The following LUZP2 variants were observed in gnomAD, a reference collection of about 807,000 sequenced individuals.
LUZP2 encodes leucine zipper protein 2.
LUZP2 carries 52 observed loss-of-function variants against 51.6 expected under a neutral mutation model. The observed-to-expected ratio is 1.01, with a 90% CI of 0.81 to 1.27. The LOEUF (loss-of-function observed/expected upper bound fraction) is 1.27. LUZP2 is among the 50% of genes most tolerant of loss of function. The probability of loss-of-function intolerance (pLI) is 0.00; values close to 1 mark genes in which losing one functional copy is unlikely to be tolerated. For missense variants in LUZP2, 436 were observed against 395.4 expected, an observed-to-expected ratio of 1.10 and a Z score of -0.87; for synonymous variants, 154 against 137.3, an observed-to-expected ratio of 1.12 and a Z score of -0.85.
chr11:24,887,766 TA>T (rs1422969082), intron 5 of LUZP2, among the ~76,000 whole-genome samples: 1 of 152,208 alleles, frequency 6.6e-6, no homozygotes, highest in Non-Finnish European at 1.5e-5. Flanking sequence ...ATGACATATT[TA>T]AAAGGGCAAA....
intron 10 of LUZP2, among the ~76,000 whole-genome samples, chr11:25,057,694 A>T (rs1401658777): frequency 6.6e-6 from 1 of 152,086 alleles, no homozygotes; most frequent in Non-Finnish European, 1.5e-5. Context: ...CAAACATTTA[A>T]TTTTTCTTAC....
At chr11:24,519,730 G>T (rs1297075374) in intron 1 of LUZP2, among the ~76,000 whole-genome samples, 1 of 152,138 alleles carries the variant, frequency 6.6e-6, no homozygotes, top group African/African-American at 2.4e-5. Context: ...TTGCACTTCA[G>T]ATTTTAGTAA....
intron 9 of LUZP2, among the ~76,000 whole-genome samples, chr11:25,023,257 G>A (rs529590091): frequency 3.9e-5 from 6 of 152,150 alleles, no homozygotes; most frequent in South Asian, 2.1e-4. Context: ...GGTAGAATTC[G>A]GCTGTGAATC....
intron 9 of LUZP2, among the ~76,000 whole-genome samples, chr11:25,030,556 C>T (rs1207766633): frequency 1.3e-5 from 2 of 151,728 alleles, no homozygotes; most frequent in Non-Finnish European, 2.9e-5. Flanking sequence ...TGGATGACCA[C>T]TCTTATTCCA....
intron 5 of LUZP2, among the ~76,000 whole-genome samples, chr11:24,769,833 C>T (rs1817926272): frequency 6.6e-6 from 1 of 150,426 alleles, no homozygotes; most frequent in South Asian, 2.1e-4. Flanking sequence ...CGCTCTGTCA[C>T]CCAGGCTGGA....
chr11:24,551,860 A>G (rs1184962412), intron 1 of LUZP2, among the ~76,000 whole-genome samples: 1 of 151,946 alleles, frequency 6.6e-6, no homozygotes, highest in Non-Finnish European at 1.5e-5. Flanking sequence ...GAATAAATAC[A>G]TCTGTAATTC....
intron 1 of LUZP2, among the ~76,000 whole-genome samples, chr11:24,647,208 CTTACA>C (rs1265522211): frequency 6.6e-6 from 1 of 151,976 alleles, no homozygotes; most frequent in Non-Finnish European, 1.5e-5. Flanking sequence ...CCTCCATCTT[CTTACA>C]TTATTCAATT....
intron 1 of LUZP2, among the ~76,000 whole-genome samples, chr11:24,539,676 G>A (rs10834375): frequency 0.41 from 62,652 of 151,698 alleles, 13,503 homozygotes; most frequent in African/African-American, 0.51. Flanking sequence ...AATAGTGACA[G>A]AAGTACATAT....
chr11:25,006,550 AC>A (rs1245315387), intron 9 of LUZP2, among the ~76,000 whole-genome samples: 1 of 152,108 alleles, frequency 6.6e-6, no homozygotes, highest in Non-Finnish European at 1.5e-5. Context: ...AAAGCCTGAC[AC>A]CCGTGTCTTT....
chr11:24,602,024 G>A (rs937557878), intron 1 of LUZP2, among the ~76,000 whole-genome samples: 1 of 129,926 alleles, frequency 7.7e-6, no homozygotes, highest in Non-Finnish European at 1.6e-5. Context: ...ATGTATATAT[G>A]TGTATATATG....
intron 1 of LUZP2, among the ~76,000 whole-genome samples, chr11:24,714,723 A>T (rs561130731): frequency 1.3e-5 from 2 of 152,312 alleles, no homozygotes; most frequent in East Asian, 1.9e-4. Context: ...TGCCAAAATG[A>T]TTCAATTATT....
chr11:24,531,599 A>T (rs756163603), intron 1 of LUZP2, among the ~76,000 whole-genome samples: 1 of 150,702 alleles, frequency 6.6e-6, no homozygotes, highest in Non-Finnish European at 1.5e-5. Context: ...CTACTTTTCA[A>T]CCTTCTAGTA....
intron 9 of LUZP2, among the ~76,000 whole-genome samples, chr11:24,998,310 T>C (rs1856570168): frequency 6.6e-6 from 1 of 152,222 alleles, no homozygotes; most frequent in Non-Finnish European, 1.5e-5. Flanking sequence ...CAGTGGTTTG[T>C]AGTTCTCCTT....
intron 1 of LUZP2, among the ~76,000 whole-genome samples, chr11:24,681,482 A>G (rs1247009152): frequency 6.6e-6 from 1 of 152,176 alleles, no homozygotes; most frequent in African/African-American, 2.4e-5. Flanking sequence ...GTTTCTATTT[A>G]TAATGTCCTT....
At chr11:24,781,815 A>G (rs1307474026) in intron 5 of LUZP2, among the ~76,000 whole-genome samples, 1 of 152,028 alleles carries the variant, frequency 6.6e-6, no homozygotes, top group South Asian at 2.1e-4. Context: ...TACCCAATAC[A>G]TTAAAAAAAT....
At chr11:24,947,277 G>T (rs1335061010) in intron 7 of LUZP2, among the ~76,000 whole-genome samples, 6 of 152,036 alleles carry the variant, frequency 3.9e-5, no homozygotes, top group Admixed American at 2.0e-4. Context: ...TCATCACAAA[G>T]GTCTTTCTCC....
intron 1 of LUZP2, among the ~76,000 whole-genome samples, chr11:24,655,040 G>T (rs1227096255): frequency 1.3e-5 from 2 of 152,110 alleles, no homozygotes; most frequent in African/African-American, 4.8e-5. Context: ...TGCATTGAAA[G>T]CATAGTATGT....
chr11:24,570,584 A>G (rs1337548308), intron 1 of LUZP2, among the ~76,000 whole-genome samples: 1 of 152,058 alleles, frequency 6.6e-6, no homozygotes, highest in East Asian at 1.9e-4. Context: ...CATGTCCAGA[A>G]GAGAGTGAGC....
chr11:25,074,941 G>T (rs10834598), intron 10 of LUZP2, among the ~76,000 whole-genome samples: 80,841 of 151,884 alleles, frequency 0.53, 22,243 homozygotes, highest in African/African-American at 0.62. Flanking sequence ...TTAAATGACA[G>T]GAACTCCACT....
Sources: gnomAD v4.1 joint callset for allele counts (sites outside exome capture counted in the v4.1 genomes callset) on GRCh38, gnomAD v4.1.1 for gene constraint, MANE v1.5 for transcripts, NCBI Gene and HGNC (gene_info 2026-07-23, HGNC 2026-07-21) for gene names.